The following FST variants were observed in gnomAD, a reference collection of about 807,000 sequenced individuals.
FST encodes the protein follistatin.
A neutral mutation model predicts 38.4 loss-of-function variants in FST; 6 were observed. That is an observed-to-expected ratio of 0.16 (90% CI 0.09 to 0.31). The LOEUF (loss-of-function observed/expected upper bound fraction) is 0.31, where lower values mean the gene tolerates loss of function less well. Among genes scored for constraint, FST ranks in the 10% least tolerant of loss-of-function variants. The pLI is 1.00. For synonymous variants in FST, 157 were observed against 169.8 expected, an observed-to-expected ratio of 0.92 and a Z score of 0.59; for missense variants, 301 against 432.3, an observed-to-expected ratio of 0.70 and a Z score of 2.69.
chr5:53,485,291 C>T, intron 5 of FST, 64 bp downstream of exon 5: 1 of 859,718 alleles, frequency 1.2e-6, no homozygotes, highest in South Asian at 1.3e-5. Flanking sequence ...AGGGAATGGA[C>T]ACTTACAAAG....
chr5:53,482,298 CT>C (rs1313257625), intron 1 of FST, among the ~76,000 whole-genome samples: 1 of 146,958 alleles, frequency 6.8e-6, no homozygotes, highest in Non-Finnish European at 1.5e-5. Context: ...TCTTTTCTTT[CT>C]TTCTCTTCTT....
chr5:53,481,481 A>AAAAAAAAT (rs1382975044), intron 1 of FST, among the ~76,000 whole-genome samples: 4 of 150,280 alleles, frequency 2.7e-5, no homozygotes, highest in Non-Finnish European at 1.5e-5. Context: ...AAAAAAAAAA[A>AAAAAAAAT]AAAAAGCCAA....
At position 53,485,031 on chromosome 5, in the gene FST, T is replaced by C; in HGVS notation, c.756T>C (p.Gly252=). The change falls in exon 5 of 6, where the codon GGT becomes GGC. Residue 252 remains glycine, a synonymous_variant. Transcript: ENST00000256759. ...CCTGTGAAGATATCCAGTGCACTGG[T>C]GGGAAAAAATGTTTATGGGATTTCA... The part of the protein sequence containing the change: ...AKSCEDIQCT[G]GKKCLWDFKV... The C allele has an allele frequency of 6.2e-7, 1 of 1,608,938 alleles. No individual in the cohort carries two copies. The highest frequency in any genetic ancestry group is 8.5e-7 in the Non-Finnish European group (1 of 1,175,316).
chr5:53,486,059 C>T lies in FST; in HGVS notation c.*26C>T. ...ACTCTCTATAAGTGTTCAGTGTTGA[C>T]ATAGCCTTTGTGCAAAAAAAAAAAA... On this transcript the variant is annotated 3_prime_UTR_variant, in exon 6 of 6. Transcript: ENST00000256759. 1 of 428,020 alleles carries T rather than the reference C, an allele frequency of 2.3e-6. No individual in the cohort carries two copies. Among genetic ancestry groups the T allele is most frequent in the Non-Finnish European group, 4.0e-6 (1 of 249,566 alleles). The allele number at this position is 428,020 out of a possible 1,614,324, so 26.5% of individuals were successfully genotyped here. A position where few individuals can be genotyped will look rare whatever the true frequency, so the allele number is the denominator to read the frequency against.
intron 4 of FST, 25 bp downstream of exon 4, chr5:53,484,318 A>G: frequency 6.2e-7 from 1 of 1,606,824 alleles, no homozygotes; most frequent in Non-Finnish European, 8.5e-7. Flanking sequence ...TTGAGGAAGG[A>G]AAAAGAGAAA....
intron 3 of FST, 60 bp from the exon 4 acceptor site, chr5:53,484,009 G>A: frequency 7.1e-7 from 1 of 1,408,824 alleles, no homozygotes; most frequent in African/African-American, 1.4e-5. Context: ...GTAACTTCAA[G>A]TGCTCACTCC....
At position 53,486,890 on chromosome 5, in the gene FST, C is replaced by A. The variant is rs564460634; in HGVS notation, c.*857C>A. The A allele has an allele frequency of 6.6e-6, 1 of 152,236 alleles. No homozygotes were observed. The highest frequency in any genetic ancestry group is 1.9e-4 in the East Asian group (1 of 5,180). The allele number at this position is 152,236 out of a possible 1,614,324, so 9.4% of individuals were successfully genotyped here. On this transcript the variant is annotated 3_prime_UTR_variant, in exon 6 of 6. Transcript: ENST00000256759. ...CTCAGCTGTACCTTTTAAATTAGTT[C>A]TTTTTCAACCAGTATATCACTAAAA...
At position 53,483,959 on chromosome 5, in the gene FST, C is replaced by A; in HGVS notation, c.497-110C>A. The A allele has an allele frequency of 1.1e-6, 1 of 925,488 alleles. No individual in the cohort carries two copies. The highest frequency in any genetic ancestry group is 1.7e-6 in the Non-Finnish European group (1 of 596,498). The allele number at this position is 925,488 out of a possible 1,614,324, so 57.3% of individuals were successfully genotyped here. A position where few individuals can be genotyped will look rare whatever the true frequency, so the allele number is the denominator to read the frequency against. The stretch of plus-strand genomic sequence containing the variant: ...TGAAAACTACAGGGCTCCCTAAGTG[C>A]CTTTTGAAAGCTGGATGCTTCAGTG... On this transcript the variant is annotated intron_variant, in intron 3 of 5. Coordinates refer to ENST00000256759, the MANE Select transcript of FST (RefSeq NM_013409.3). This position sits in a 1 kb window ranked among gnomAD's most constrained non-coding sequence, Gnocchi z 4.1.
chr5:53,480,871 C>T lies in FST; in HGVS notation c.80C>T (p.Ala27Val). The T allele has an allele frequency of 6.6e-7, 1 of 1,520,894 alleles. No homozygotes were observed. Among genetic ancestry groups the T allele is most frequent in the Non-Finnish European group, 8.9e-7 (1 of 1,127,152 alleles). The allele number at this position is 1,520,894 out of a possible 1,614,324, so 94.2% of individuals were successfully genotyped here. Residue 27 changes from alanine to valine, a missense_variant, in exon 1 of 6, where the codon GCC becomes GTC. Transcript: ENST00000256759. ...TGCCAGTTCATGGAGGACCGCAGTG[C>T]CCAGGGTAAGCGAGTGGGGATGCGC... is the stretch of plus-strand genomic sequence containing the variant. ...LLCQFMEDRS[A>V]QAGNCWLRQA... is the part of the protein sequence containing the mutation.
Position 53,487,107 on chromosome 5 carries a change from A to G in FST, c.*1074A>G, listed in dbSNP as rs1389420873. 1.3e-5 allele frequency: 2 copies of G among 152,244 alleles called. No individual in the cohort carries two copies. Among genetic ancestry groups the G allele is most frequent in the African/African-American group, 4.8e-5 (2 of 41,464 alleles). 9.4% of individuals were successfully genotyped at this position (152,244 alleles called of 1,614,324 possible). A position where few individuals can be genotyped will look rare whatever the true frequency, so the allele number is the denominator to read the frequency against. ...TGTATTTGTAAATAAATGATGAGTGAAAAAATAAAAAAATTTTAAAAAGCC... is the reference window on the plus strand; with the variant it reads ...TGTATTTGTAAATAAATGATGAGTGGAAAAATAAAAAAATTTTAAAAAGCC... On this transcript the variant is annotated 3_prime_UTR_variant, in exon 6 of 6. Coordinates refer to ENST00000256759, the MANE Select transcript of FST (RefSeq NM_013409.3).
Position 53,483,111 on chromosome 5 carries a change from G to A in FST, c.277+40G>A. On this transcript the variant is annotated intron_variant, in intron 2 of 5. Transcript: ENST00000256759. This position sits in a 1 kb window ranked among gnomAD's most constrained non-coding sequence, Gnocchi z 4.1. ...TCCCAACTTGCAGGCCCTCAGTAGAGGGCGTCTTACCCTTAGCTTCCCCAC... is the reference window on the plus strand; with the variant it reads ...TCCCAACTTGCAGGCCCTCAGTAGAAGGCGTCTTACCCTTAGCTTCCCCAC... The A allele has an allele frequency of 1.4e-6, 2 of 1,427,442 alleles. No individual in the cohort carries two copies. The highest frequency in any genetic ancestry group is 2.0e-6 in the Non-Finnish European group (2 of 1,019,742). 88.4% of individuals were successfully genotyped at this position (1,427,442 alleles called of 1,614,324 possible). A position where few individuals can be genotyped will look rare whatever the true frequency, so the allele number is the denominator to read the frequency against.
At chr5:53,485,768 T>G in intron 5 of FST, 183 bp from the exon 6 acceptor site, 1 of 1,591,958 alleles carries the variant, frequency 6.3e-7, no homozygotes, top group Non-Finnish European at 8.5e-7. Context: ...TTTAAAAAAA[T>G]TTTTTTAACT....
rs746847734 is a variant in FST at position 53,485,112 on chromosome 5, G to A, written c.837G>A (p.Ser279=). ...ATGAGCTGTGCCCTGACAGTAAGTCGGATGAGCCTGTCTGTGCCAGTGACA... is the reference window on the plus strand; with the variant it reads ...ATGAGCTGTGCCCTGACAGTAAGTCAGATGAGCCTGTCTGTGCCAGTGACA... ...LCDELCPDSK[S]DEPVCASDNA... Residue 279 remains serine, a synonymous_variant, in exon 5 of 6, where the codon TCG becomes TCA. Coordinates refer to ENST00000256759, the MANE Select transcript of FST (RefSeq NM_013409.3). 2.5e-5 allele frequency: 41 copies of A among 1,611,572 alleles called. No individual in the cohort carries two copies. The highest frequency in any genetic ancestry group is 2.3e-4 in the Admixed American group (14 of 60,002).
Position 53,486,087 on chromosome 5 carries a change from A to AG in FST, c.*54_*55insG, listed in dbSNP as rs1451726138. 1 of 936,372 alleles carries AG rather than the reference A, an allele frequency of 1.1e-6. No individual in the cohort carries two copies. The highest frequency in any genetic ancestry group is 1.6e-6 in the Non-Finnish European group (1 of 617,240). 58.0% of individuals were successfully genotyped at this position (936,372 alleles called of 1,614,324 possible). A position where few individuals can be genotyped will look rare whatever the true frequency, so the allele number is the denominator to read the frequency against. ...AGCCTTTGTGCAAAAAAAAAAAAAA[A>AG]AAAAAAGAAAAAGAAAAAAAGAAAA... On this transcript the variant is annotated 3_prime_UTR_variant, in exon 6 of 6. Transcript: ENST00000256759.
Position 53,486,246 on chromosome 5 carries a change from G to A in FST, c.*213G>A, listed in dbSNP as rs532818911. 7.5e-5 allele frequency: 31 copies of A among 412,324 alleles called. No homozygotes were observed. The highest frequency in any genetic ancestry group is 1.3e-4 in the Non-Finnish European group (30 of 238,200). The allele number at this position is 412,324 out of a possible 1,614,324, so 25.5% of individuals were successfully genotyped here. A position where few individuals can be genotyped will look rare whatever the true frequency, so the allele number is the denominator to read the frequency against. On this transcript the variant is annotated 3_prime_UTR_variant, in exon 6 of 6. Transcript: ENST00000256759. ...TTGGACACGGAGAGGCATTCATTGT[G>A]AGGTCTACTGGATGAGGCCCATAGT...
At chr5:53,481,878 C>T (rs944629980) in intron 1 of FST, among the ~76,000 whole-genome samples, 3 of 152,212 alleles carry the variant, frequency 2.0e-5, no homozygotes, top group African/African-American at 4.8e-5. Context: ...CCCCCCTCCC[C>T]CCACCTTAAG....
At chr5:53,485,855 G>A in intron 5 of FST, 96 bp from the exon 6 acceptor site, 1 of 1,597,240 alleles carries the variant, frequency 6.3e-7, no homozygotes, top group Non-Finnish European at 8.5e-7. Flanking sequence ...GCTGTAATAT[G>A]GCTGTATCAG....
rs1448424492 is a variant in FST at position 53,486,146 on chromosome 5, T to A, written c.*113T>A. ...TCCATACTGTAAATAAGTGTATGCT[T>A]ATTTATTTGGGGGGAAAACTATACA... On this transcript the variant is annotated 3_prime_UTR_variant, in exon 6 of 6. Transcript: ENST00000256759. The A allele has an allele frequency of 3.5e-6, 2 of 573,940 alleles. No individual in the cohort carries two copies. The highest frequency in any genetic ancestry group is 6.0e-6 in the Non-Finnish European group (2 of 336,002). 35.6% of individuals were successfully genotyped at this position (573,940 alleles called of 1,614,324 possible). A position where few individuals can be genotyped will look rare whatever the true frequency, so the allele number is the denominator to read the frequency against.
chr5:53,482,953 G>A lies in FST; in HGVS notation c.159G>A (p.Glu53=). 1.2e-6 allele frequency: 2 copies of A among 1,613,184 alleles called. No individual in the cohort carries two copies. The highest frequency in any genetic ancestry group is 8.5e-7 in the Non-Finnish European group (1 of 1,179,126). ...QVLYKTELSK[E]ECCSTGRLST... ...TGTACAAGACCGAACTGAGCAAGGA[G>A]GAGTGCTGCAGCACCGGCCGGCTGA... Residue 53 remains glutamate, a synonymous_variant, in exon 2 of 6, where the codon GAG becomes GAA. Transcript: ENST00000256759.
Sources: allele counts gnomAD v4.1 joint callset (sites outside exome capture counted in the v4.1 genomes callset), GRCh38; gene constraint gnomAD v4.1.1; non-coding constraint Gnocchi (gnomAD v3.1); transcripts MANE v1.5; gene names NCBI Gene and HGNC (gene_info 2026-07-23, HGNC 2026-07-21).